PLEKHA8: variants seen among roughly 807,000 people sequenced by gnomAD.
PLEKHA8 encodes the protein pleckstrin homology domain containing A8.
PLEKHA8 carries 36 observed loss-of-function variants against 68.2 expected under a neutral mutation model. The ratio of observed to expected loss-of-function variants is 0.53; its 90% CI spans 0.40 to 0.70. The LOEUF (loss-of-function observed/expected upper bound fraction) is 0.70, where lower values mean the gene tolerates loss of function less well. Ranked by LOEUF, PLEKHA8 falls within the 30% of genes least tolerant of loss-of-function variation. The pLI, the probability that PLEKHA8 is intolerant of heterozygous loss-of-function variation, is 0.00. For missense variants in PLEKHA8, 505 were observed against 615.4 expected (o/e 0.82, Z 1.90); for synonymous variants, 211 against 216.1 (o/e 0.98, Z 0.20).
chr7:30,045,666 C>T (rs1461505623), intron 2 of PLEKHA8, among the ~76,000 whole-genome samples: 1 of 152,080 alleles, frequency 6.6e-6, no homozygotes, highest in African/African-American at 2.4e-5. Flanking sequence ...GGAAGAAAAA[C>T]AGATTAAATG....
chr7:30,110,478 A>G (rs760814944), intron 13 of PLEKHA8, among the ~76,000 whole-genome samples: 2 of 152,202 alleles, frequency 1.3e-5, no homozygotes, highest in Non-Finnish European at 2.9e-5. Context: ...TTGCTAGAAT[A>G]TTTGTGTACC....
At chr7:30,116,166 G>A (rs866972589) in intron 13 of PLEKHA8, among the ~76,000 whole-genome samples, 1 of 150,002 alleles carries the variant, frequency 6.7e-6, no homozygotes, top group East Asian at 2.0e-4. Flanking sequence ...ACGTATACAT[G>A]TGTATACATA....
At chr7:30,034,664 G>C (rs1790927818) in intron 1 of PLEKHA8, among the ~76,000 whole-genome samples, 1 of 152,162 alleles carries the variant, frequency 6.6e-6, no homozygotes. Flanking sequence ...TTCACATTGA[G>C]GAGGCAGAGG....
At chr7:30,092,311 G>C (rs1223262412), downstream of PLEKHA8, among the ~76,000 whole-genome samples, 1 of 152,144 alleles carries the variant, frequency 6.6e-6, no homozygotes, top group Non-Finnish European at 1.5e-5. Flanking sequence ...ATCCTGCCTG[G>C]AGTTTACCTG....
chr7:30,107,632 A>G (rs1183422367), intron 13 of PLEKHA8, among the ~76,000 whole-genome samples: 1 of 152,182 alleles, frequency 6.6e-6, no homozygotes, highest in African/African-American at 2.4e-5. Context: ...CCTAATCTGA[A>G]ATGGAATGCT....
At chr7:30,030,950 C>A (rs1790615230) in intron 1 of PLEKHA8, among the ~76,000 whole-genome samples, 1 of 152,156 alleles carries the variant, frequency 6.6e-6, no homozygotes, top group Non-Finnish European at 1.5e-5. Context: ...TACATACAAT[C>A]CCAATCCAAG....
chr7:30,045,763 G>A (rs1043424517), intron 2 of PLEKHA8, among the ~76,000 whole-genome samples: 1 of 152,134 alleles, frequency 6.6e-6, no homozygotes, highest in Non-Finnish European at 1.5e-5. Flanking sequence ...CACACTTTTG[G>A]TCTGACTTTT....
intron 6 of PLEKHA8, 167 bp downstream of exon 6, chr7:30,050,641 C>T: frequency 3.3e-6 from 3 of 918,268 alleles, no homozygotes; most frequent in Non-Finnish European, 4.6e-6. Context: ...CCTGAATCAA[C>T]CCAGAGCAGA....
At chr7:30,120,156 TAAAAAAAAAAAA>T (rs377419534) in intron 13 of PLEKHA8, among the ~76,000 whole-genome samples, 6 of 101,864 alleles carry the variant, frequency 5.9e-5, no homozygotes, top group Non-Finnish European at 1.0e-4. Flanking sequence ...TACAAATAAT[TAAAAAAAAAAAA>T]ACAAAAAAAA....
Position 30,056,289 on chromosome 7 carries a change from T to TCC in PLEKHA8, c.1039+948_1039+949insCC, listed in dbSNP as rs1435550453. 1.6e-3 allele frequency among the ~76,000 whole-genome samples: 122 copies of TCC among 77,790 alleles called. 3 individuals carry two copies. The highest frequency in any genetic ancestry group is 6.3e-3 in the Middle Eastern group (1 of 160). 51.0% of individuals were successfully genotyped at this position (77,790 alleles called of 152,430 possible). A position where few individuals can be genotyped will look rare whatever the true frequency, so the allele number is the denominator to read the frequency against. ...TTTTTAAAGATATATTCTCTCTCTC[T>TCC]CTCTCTCTCTCTCTCTCTCTCTCTA... On this transcript the variant is annotated intron_variant, in intron 9 of 13. Transcript: ENST00000449726.
chr7:30,129,012 T>C (rs1796828959), intron 13 of PLEKHA8, among the ~76,000 whole-genome samples: 1 of 152,146 alleles, frequency 6.6e-6, no homozygotes, highest in Non-Finnish European at 1.5e-5. Context: ...CACCTCCCAA[T>C]AGGCCCTGCC....
chr7:30,075,099 G>C (rs1794531261), intron 13 of PLEKHA8: 1 of 152,160 alleles, frequency 6.6e-6, no homozygotes, highest in African/African-American at 2.4e-5. Context: ...CTTGCAGATG[G>C]TATCTTTTAC....
At chr7:30,125,880 CTT>C (rs1250890556) in intron 13 of PLEKHA8, among the ~76,000 whole-genome samples, 20 of 152,034 alleles carry the variant, frequency 1.3e-4, no homozygotes, top group African/African-American at 4.6e-4. Context: ...TTAATGCAAA[CTT>C]AATTATTATC....
chr7:30,121,042 A>G (rs1445032298), intron 13 of PLEKHA8, among the ~76,000 whole-genome samples: 2 of 151,844 alleles, frequency 1.3e-5, no homozygotes, highest in East Asian at 1.9e-4. Context: ...CGATTAATCT[A>G]TTTAATCTGT....
chr7:30,032,824 C>T (rs953219823), intron 1 of PLEKHA8, among the ~76,000 whole-genome samples: 1 of 152,236 alleles, frequency 6.6e-6, no homozygotes, highest in Admixed American at 6.5e-5. Context: ...TTTTCCTGCC[C>T]ACTCAGCTGA....
intron 13 of PLEKHA8, among the ~76,000 whole-genome samples, chr7:30,077,677 T>A (rs1794692997): frequency 6.6e-6 from 1 of 152,122 alleles, no homozygotes; most frequent in African/African-American, 2.4e-5. Flanking sequence ...TGCCAGTCAC[T>A]CTCTTACTGC....
chr7:30,028,973 C>T (rs1790437110), intron 1 of PLEKHA8, among the ~76,000 whole-genome samples, 171 bp downstream of exon 1: 1 of 152,218 alleles, frequency 6.6e-6, no homozygotes, highest in Non-Finnish European at 1.5e-5. Flanking sequence ...TGTCGCCGTG[C>T]AGGACGACAC....
chr7:30,080,411 T>C lies in PLEKHA8; in HGVS notation c.*1624T>C. ...GGTAGTTATCCAGGGTAGAAGGTCC[T>C]TTGAGGGGCTTGGTTGAATTGAGAG... On this transcript the variant is annotated 3_prime_UTR_variant, in exon 14 of 14. Coordinates refer to ENST00000449726, the MANE Select transcript of PLEKHA8 (RefSeq NM_001197026.2). 1.0e-6 allele frequency: 1 copy of C among 985,246 alleles called. No homozygotes were observed. Among genetic ancestry groups the C allele is most frequent in the Non-Finnish European group, 1.2e-6 (1 of 829,886 alleles). 61.0% of individuals were successfully genotyped at this position (985,246 alleles called of 1,614,324 possible). A position where few individuals can be genotyped will look rare whatever the true frequency, so the allele number is the denominator to read the frequency against.
chr7:30,047,671 C>G (rs1470513572), intron 3 of PLEKHA8, among the ~76,000 whole-genome samples, 161 bp from the exon 4 acceptor site: 1 of 152,132 alleles, frequency 6.6e-6, no homozygotes, highest in African/African-American at 2.4e-5. Context: ...GTTATTATGT[C>G]TTCACCTGTC....
Sources: allele counts gnomAD v4.1 joint callset (sites outside exome capture counted in the v4.1 genomes callset), GRCh38; gene constraint gnomAD v4.1.1; transcripts MANE v1.5; gene names NCBI Gene and HGNC (gene_info 2026-07-23, HGNC 2026-07-21).